The following EBF2 variants were observed in gnomAD, a reference collection of about 807,000 sequenced individuals.
EBF2 encodes the protein EBF transcription factor 2.
In EBF2, 21 loss-of-function variants were observed where a neutral mutation model predicts 72.8. That is an observed-to-expected ratio of 0.29 (90% CI 0.20 to 0.42). The LOEUF (loss-of-function observed/expected upper bound fraction) is 0.42, where lower values mean the gene tolerates loss of function less well. Among genes scored for constraint, EBF2 ranks in the 10% least tolerant of loss-of-function variants. The pLI is 1.00. For synonymous variants in EBF2, 299 were observed against 274.2 expected (o/e 1.09, Z -0.89); for missense variants, 637 against 731.2 (o/e 0.87, Z 1.49).
intron 6 of EBF2, among the ~76,000 whole-genome samples, chr8:25,996,126 C>A (rs1472908621): frequency 2.0e-5 from 3 of 151,942 alleles, no homozygotes; most frequent in African/African-American, 7.3e-5. Flanking sequence ...CATGGCAAAA[C>A]CCCATCTCTA....
At chr8:25,874,853 CT>C (rs1183233269) in intron 10 of EBF2, among the ~76,000 whole-genome samples, 2,941 of 99,538 alleles carry the variant, frequency 0.03, 36 homozygotes, top group Non-Finnish European at 0.041. Context: ...GCCTGGCTAA[CT>C]TTTTTTTTTT....
intron 4 of EBF2, 130 bp from the exon 5 acceptor site, chr8:26,040,231 C>T: frequency 1.0e-6 from 1 of 980,692 alleles, no homozygotes; most frequent in Non-Finnish European, 1.6e-6. Context: ...AATTCCCGCC[C>T]GCAGCACATT....
intron 1 of EBF2, among the ~76,000 whole-genome samples, chr8:26,042,772 G>A (rs984665765): frequency 7.9e-5 from 12 of 152,178 alleles, no homozygotes; most frequent in African/African-American, 2.9e-4. Flanking sequence ...TGCTCACAAC[G>A]CCCAAATGCT....
At chr8:25,918,032 G>C (rs1803253088) in intron 6 of EBF2, among the ~76,000 whole-genome samples, 1 of 152,198 alleles carries the variant, frequency 6.6e-6, no homozygotes, top group Non-Finnish European at 1.5e-5. Context: ...ACACCTGCCA[G>C]AACAGATACC....
intron 6 of EBF2, among the ~76,000 whole-genome samples, chr8:25,981,849 T>C (rs1804366711): frequency 6.6e-6 from 1 of 151,434 alleles, no homozygotes; most frequent in African/African-American, 2.4e-5. Context: ...GTATATGGAA[T>C]AGATGCCCAG....
intron 6 of EBF2, among the ~76,000 whole-genome samples, chr8:25,949,946 A>G (rs1420066470): frequency 6.6e-6 from 1 of 152,230 alleles, no homozygotes; most frequent in Non-Finnish European, 1.5e-5. Flanking sequence ...TATTTCTAGC[A>G]ATATTAACCT....
intron 6 of EBF2, among the ~76,000 whole-genome samples, chr8:26,016,071 T>C (rs1805106509): frequency 1.3e-5 from 2 of 152,260 alleles, no homozygotes; most frequent in South Asian, 4.1e-4. Flanking sequence ...AGTGTTCTTG[T>C]CTACCAGTAG....
At chr8:25,892,682 T>G (rs1390715382) in intron 7 of EBF2, among the ~76,000 whole-genome samples, 1 of 152,182 alleles carries the variant, frequency 6.6e-6, no homozygotes, top group Non-Finnish European at 1.5e-5. Context: ...TCTCATATAG[T>G]GTCACATCTT....
At chr8:26,029,183 T>A (rs1207339603) in intron 6 of EBF2, among the ~76,000 whole-genome samples, 1 of 152,114 alleles carries the variant, frequency 6.6e-6, no homozygotes, top group African/African-American at 2.4e-5. Flanking sequence ...GTGAAAGCGA[T>A]TTTTCGTATT....
intron 6 of EBF2, among the ~76,000 whole-genome samples, chr8:26,016,940 T>C (rs1363854970): frequency 1.3e-5 from 2 of 151,880 alleles, no homozygotes; most frequent in South Asian, 2.1e-4. Flanking sequence ...ATAATGACAA[T>C]AGTGGAGTTA....
intron 6 of EBF2, among the ~76,000 whole-genome samples, chr8:26,008,752 G>T (rs969308415): frequency 2.0e-5 from 3 of 148,856 alleles, no homozygotes; most frequent in African/African-American, 7.4e-5. Context: ...ACAGAAAAGA[G>T]GAAAAAAGTT....
Position 25,861,137 on chromosome 8 carries a change from G to A in EBF2, c.1254C>T (p.Ser418=). The A allele has an allele frequency of 1.2e-6, 2 of 1,614,178 alleles. No individual in the cohort carries two copies. Among genetic ancestry groups the A allele is most frequent in the Non-Finnish European group, 1.7e-6 (2 of 1,180,026 alleles). The change falls in exon 13 of 16, where the codon TCC becomes TCT. Residue 418 remains serine (S), a synonymous_variant. Transcript: ENST00000520164. ...TTCCCATCATGCCACTGTGCGCTGG[G>A]GAGCTAGAGAGGGCTGGAAGCTGGC... ...NPSQLPALSS[S]PAHSGMMGIN...
chr8:25,946,828 C>G (rs1472469004), intron 6 of EBF2, among the ~76,000 whole-genome samples: 1 of 152,194 alleles, frequency 6.6e-6, no homozygotes, highest in African/African-American at 2.4e-5. Flanking sequence ...TGTATTCCAT[C>G]TATCTGAGGC....
At chr8:26,011,052 AG>A (rs1804973562) in intron 6 of EBF2, among the ~76,000 whole-genome samples, 1 of 152,070 alleles carries the variant, frequency 6.6e-6, no homozygotes, top group Non-Finnish European at 1.5e-5. Flanking sequence ...TTGCAGCAAA[AG>A]TTAATAACTC....
chr8:25,977,984 T>C (rs1804295797), intron 6 of EBF2, among the ~76,000 whole-genome samples: 1 of 152,146 alleles, frequency 6.6e-6, no homozygotes, highest in South Asian at 2.1e-4. Flanking sequence ...TTTTTTTTCT[T>C]GACCCTATCC....
chr8:26,025,632 C>A (rs1384556226), intron 6 of EBF2, among the ~76,000 whole-genome samples: 1 of 152,082 alleles, frequency 6.6e-6, no homozygotes, highest in African/African-American at 2.4e-5. Context: ...AATTTTGTTT[C>A]TTTTTTACCA....
chr8:25,901,198 A>T (rs975739521), intron 7 of EBF2, among the ~76,000 whole-genome samples: 1 of 152,056 alleles, frequency 6.6e-6, no homozygotes, highest in Non-Finnish European at 1.5e-5. Context: ...CGGGTGGGTG[A>T]ATCACTTGAT....
rs1352444712 is a variant in EBF2, at chr8:25,842,409, A to C, written c.*2200T>G. The C allele has an allele frequency of 6.6e-6, 1 of 152,224 alleles. No individual in the cohort carries two copies. Among genetic ancestry groups the C allele is most frequent in the Non-Finnish European group, 1.5e-5 (1 of 68,042 alleles). 9.4% of individuals were successfully genotyped at this position (152,224 alleles called of 1,614,324 possible). On this transcript the variant is annotated 3_prime_UTR_variant, in exon 16 of 16. Transcript: ENST00000520164. ...TGAAGACAGTACTGCACTCATCTTCATGCAAAAGGAAAATTCACAGGTTCT... is the reference window on the plus strand; with the variant it reads ...TGAAGACAGTACTGCACTCATCTTCCTGCAAAAGGAAAATTCACAGGTTCT...
At position 25,932,486 on chromosome 8, in the gene EBF2, TTG is replaced by T. The variant is rs377307567; in HGVS notation, c.552-23933_552-23932del. On this transcript the variant is annotated intron_variant, in intron 6 of 15. Transcript: ENST00000520164. ...GCTCCTATTTGTGTTTTCATCCTCGTTGTGTGTTTATTAAAAATAATTTTGAT... is the reference window on the plus strand; with the variant it reads ...GCTCCTATTTGTGTTTTCATCCTCGTTGTGTTTATTAAAAATAATTTTGAT... 4.6e-4 allele frequency among the ~76,000 whole-genome samples: 70 copies of T among 152,328 alleles called. 1 individual carries two copies. Among genetic ancestry groups the T allele is most frequent in the African/African-American group, 1.6e-3 (68 of 41,580 alleles).
Sources: gnomAD v4.1 joint callset for allele counts (sites outside exome capture counted in the v4.1 genomes callset) on GRCh38, gnomAD v4.1.1 for gene constraint, MANE v1.5 for transcripts, NCBI Gene and HGNC (gene_info 2026-07-23, HGNC 2026-07-21) for gene names.